The following WBP11 variants were observed in gnomAD, a reference collection of about 807,000 sequenced individuals.
WBP11 encodes WW domain binding protein 11, also known as WW domain-binding protein 11.
WBP11 carries 12 observed loss-of-function variants against 66.7 expected under a neutral mutation model. The ratio of observed to expected loss-of-function variants is 0.18; its 90% CI spans 0.12 to 0.29. The LOEUF (loss-of-function observed/expected upper bound fraction) is 0.29. Among genes scored for constraint, WBP11 ranks in the 10% least tolerant of loss-of-function variants. The pLI, the probability that WBP11 is intolerant of heterozygous loss-of-function variation, is 1.00. For synonymous variants in WBP11, 255 were observed against 273.8 expected (o/e 0.93, Z 0.68); for missense variants, 555 against 818.3 (o/e 0.68, Z 3.93).
rs773122548 is a variant in WBP11, at chr12:14,785,612, CAAACA to C, written c.*1448_*1452del. On this transcript the variant is annotated 3_prime_UTR_variant, in exon 12 of 12. Transcript: ENST00000261167. Reference sequence around the variant, plus strand: ...TCAGTATCTTCCAAGCAAAGCCAAACAAACAAAAGATCTTGAATAAAAATCTAAAA... The same window carrying C: ...TCAGTATCTTCCAAGCAAAGCCAAACAAAGATCTTGAATAAAAATCTAAAA... The C allele has an allele frequency of 2.0e-5, 3 of 152,114 alleles. No homozygotes were observed. Among genetic ancestry groups the C allele is most frequent in the South Asian group, 2.1e-4 (1 of 4,826 alleles). 9.4% of individuals were successfully genotyped at this position (152,114 alleles called of 1,614,324 possible).
chr12:14,801,681 A>T (rs1949965544), intron 1 of WBP11, among the ~76,000 whole-genome samples: 1 of 152,216 alleles, frequency 6.6e-6, no homozygotes, highest in African/African-American at 2.4e-5. Context: ...TCATCAGTTT[A>T]GCTTTTTTCT....
In WBP11 at chr12:14,799,620, T is replaced by G. The variant is rs1210775120; in HGVS notation, c.190+15A>C. 6.2e-7 allele frequency: 1 copy of G among 1,611,198 alleles called. No individual in the cohort carries two copies. Among genetic ancestry groups the G allele is most frequent in the Non-Finnish European group, 8.5e-7 (1 of 1,178,642 alleles). On this transcript the variant is annotated intron_variant, in intron 4 of 11. Coordinates refer to ENST00000261167, the MANE Select transcript of WBP11 (RefSeq NM_016312.3). ...CGTGTCAGACTGTTATAGCTGCCTGTTTGTAAATTCTTACCCATTTCATCC... is the reference window on the plus strand; with the variant it reads ...CGTGTCAGACTGTTATAGCTGCCTGGTTGTAAATTCTTACCCATTTCATCC...
chr12:14,787,599 G>T (rs1949768496), intron 11 of WBP11, 101 bp from the exon 12 acceptor site: 2 of 1,068,590 alleles, frequency 1.9e-6, no homozygotes, highest in Non-Finnish European at 2.5e-6. Flanking sequence ...TAAATAAATG[G>T]ATAACAACTT....
At position 14,795,051 on chromosome 12, in the gene WBP11, A is replaced by G; in HGVS notation, c.441T>C (p.Ala147=). The part of the protein sequence containing the change: ...ESIPLPDMPH[A]PSNILIQDIP... ...TGTCCTGGATCAAAATGTTGGAAGG[A>G]GCATGTGGCATATCTGGCAAAGGAA... The change falls in exon 6 of 12, where the codon GCT becomes GCC. Residue 147 remains alanine (A), a synonymous_variant. Transcript: ENST00000261167. The G allele has an allele frequency of 1.2e-6, 2 of 1,613,114 alleles. No homozygotes were observed. Among genetic ancestry groups the G allele is most frequent in the Non-Finnish European group, 1.7e-6 (2 of 1,179,942 alleles).
chr12:14,789,795 T>C (rs1264508267), intron 10 of WBP11, among the ~76,000 whole-genome samples: 2 of 152,168 alleles, frequency 1.3e-5, no homozygotes, highest in East Asian at 1.9e-4. Context: ...TTGAAACTCA[T>C]GAATATATAG....
At chr12:14,792,651 G>A (rs7314317) in intron 8 of WBP11, among the ~76,000 whole-genome samples, 6 of 151,806 alleles carry the variant, frequency 4.0e-5, no homozygotes, top group South Asian at 4.1e-4. Context: ...TGGCCAACAC[G>A]GTGAAACCCT....
chr12:14,791,372 T>C (rs1949819959), intron 8 of WBP11, 102 bp from the exon 9 acceptor site: 1 of 860,968 alleles, frequency 1.2e-6, no homozygotes, highest in African/African-American at 1.7e-5. Context: ...TGCTACCCAC[T>C]ACTTGGCAGA....
At position 14,790,839 on chromosome 12, in the gene WBP11, A is replaced by G; in HGVS notation, c.1016-90T>C. Reference sequence around the variant, plus strand: ...ATGACTGAATACACATGGTTAATAAATGTGTTCTCAAAATTAAAAACCAAA... The same window carrying G: ...ATGACTGAATACACATGGTTAATAAGTGTGTTCTCAAAATTAAAAACCAAA... On this transcript the variant is annotated intron_variant, in intron 9 of 11. Coordinates refer to ENST00000261167, the MANE Select transcript of WBP11 (RefSeq NM_016312.3). 3 of 1,281,724 alleles carry G rather than the reference A, an allele frequency of 2.3e-6. No individual in the cohort carries two copies. In the South Asian group the frequency reaches 4.3e-5, roughly 18 times the overall value. The allele number at this position is 1,281,724 out of a possible 1,614,324, so 79.4% of individuals were successfully genotyped here.
At chr12:14,790,230 C>T (rs978119328) in intron 10 of WBP11, among the ~76,000 whole-genome samples, 1 of 152,186 alleles carries the variant, frequency 6.6e-6, no homozygotes, top group Admixed American at 6.5e-5. Context: ...ACTGTGAAAA[C>T]AAGAGTGCTC....
intron 8 of WBP11, among the ~76,000 whole-genome samples, chr12:14,792,274 T>TA (rs34100749): frequency 0.16 from 24,978 of 151,956 alleles, 2,299 homozygotes; most frequent in African/African-American, 0.24. Flanking sequence ...TATTTATGAT[T>TA]AAAAAAAACC....
chr12:14,792,088 A>C (rs1391093556), intron 8 of WBP11, among the ~76,000 whole-genome samples: 1 of 152,136 alleles, frequency 6.6e-6, no homozygotes, highest in Non-Finnish European at 1.5e-5. Context: ...CCATTAAAGA[A>C]CTCATCCATG....
chr12:14,790,536 G>A lies in WBP11; in HGVS notation c.1229C>T (p.Pro410Leu), dbSNP rs1949809244. ...SQIQAPPMPG[P>L]PPLGPPPAPP... ...AGCAGGTGGTGGTCCAAGAGGTGGT[G>A]GTCCTGGCATGGGAGGTGCTTGTAT... The change falls in exon 10 of 12, where the codon CCA (proline) becomes CTA (leucine). Residue 410 changes from proline (P) to leucine (L), a missense_variant. By Grantham distance (98) the Pro-to-Leu change is moderately conservative. Coordinates refer to ENST00000261167, the MANE Select transcript of WBP11 (RefSeq NM_016312.3). The A allele has an allele frequency of 6.8e-6, 11 of 1,614,026 alleles. No individual in the cohort carries two copies. Among genetic ancestry groups the A allele is most frequent in the Non-Finnish European group, 8.5e-6 (10 of 1,179,878 alleles).
Position 14,796,870 on chromosome 12 carries a change from T to C in WBP11, c.324A>G (p.Arg108=), listed in dbSNP as rs142747384. 339 of 1,612,598 alleles carry C rather than the reference T, an allele frequency of 2.1e-4. 1 individual carries two copies. The highest frequency in any genetic ancestry group is 5.2e-5 in the Non-Finnish European group (61 of 1,179,562). The change falls in exon 5 of 12, where the codon AGA becomes AGG. Residue 108 remains arginine, a synonymous_variant. Coordinates refer to ENST00000261167, the MANE Select transcript of WBP11 (RefSeq NM_016312.3). The surrounding 1 kb of genome is among the most constrained non-coding windows in gnomAD (Gnocchi z 4.5). ...TCTGTTCATATTCTACTTCTAGCTT[T>C]CTCAATTCTTTGTAAATATCTGGAT... is the stretch of plus-strand genomic sequence containing the variant. ...KENPDIYKEL[R]KLEVEYEQKR... is the part of the protein sequence containing the mutation.
At position 14,786,044 on chromosome 12, in the gene WBP11, TATTC is replaced by T. The variant is rs770649393; in HGVS notation, c.*1017_*1020del. ...AATGCAAATTAATGTTAAGCACTCT[TATTC>T]ATTCATATTTTAATATAAAAGCACA... On this transcript the variant is annotated 3_prime_UTR_variant, in exon 12 of 12. Transcript: ENST00000261167. The T allele has an allele frequency of 5.9e-5, 9 of 152,330 alleles. No homozygotes were observed. The highest frequency in any genetic ancestry group is 2.0e-4 in the Admixed American group (3 of 15,302). 9.4% of individuals were successfully genotyped at this position (152,330 alleles called of 1,614,324 possible).
Position 14,790,513 on chromosome 12 carries a change from C to G in WBP11, c.1252G>C (p.Ala418Pro). 1 of 1,613,994 alleles carries G rather than the reference C, an allele frequency of 6.2e-7. No homozygotes were observed. The highest frequency in any genetic ancestry group is 8.5e-7 in the Non-Finnish European group (1 of 1,179,858). The change falls in exon 10 of 12, where the codon GCT becomes CCT. Residue 418 changes from alanine to proline, a missense_variant. Transcript: ENST00000261167. ...GGCCCAGGAGGCCGTAATGGTGGAG[C>G]AGGTGGTGGTCCAAGAGGTGGTGGT... ...PGPPPLGPPP[A>P]PPLRPPGPPT...
chr12:14,791,629 C>G (rs1191502656), intron 8 of WBP11, among the ~76,000 whole-genome samples: 2 of 152,184 alleles, frequency 1.3e-5, no homozygotes, highest in African/African-American at 4.8e-5. Context: ...ACTCATGAAA[C>G]TAGCCTAACC....
intron 4 of WBP11, chr12:14,799,314 A>G (rs994075998): frequency 2.8e-5 from 5 of 175,582 alleles, no homozygotes; most frequent in Non-Finnish European, 6.0e-5. Flanking sequence ...AAAAGACGAC[A>G]AACAAAAAAC....
At chr12:14,799,928 T>G (rs921176636) in intron 3 of WBP11, among the ~76,000 whole-genome samples, 200 bp from the exon 4 acceptor site, 1 of 152,220 alleles carries the variant, frequency 6.6e-6, no homozygotes, top group Non-Finnish European at 1.5e-5. Flanking sequence ...AAGATGTGCT[T>G]TCTTAGTAAA....
At position 14,785,251 on chromosome 12, in the gene WBP11, C is replaced by G. The variant is rs1244060543; in HGVS notation, c.*1814G>C. The G allele has an allele frequency of 6.6e-6, 1 of 152,134 alleles. No individual in the cohort carries two copies. The highest frequency in any genetic ancestry group is 2.4e-5 in the African/African-American group (1 of 41,412). The allele number at this position is 152,134 out of a possible 1,614,324, so 9.4% of individuals were successfully genotyped here. The stretch of plus-strand genomic sequence containing the variant: ...CATCACTGCACTGCAGCCTGGGCAA[C>G]AGAGTTAGAACCTGTCTCCATGGAA... On this transcript the variant is annotated 3_prime_UTR_variant, in exon 12 of 12. Transcript: ENST00000261167.
Sources: allele counts gnomAD v4.1 joint callset (sites outside exome capture counted in the v4.1 genomes callset), GRCh38; gene constraint gnomAD v4.1.1; non-coding constraint Gnocchi (gnomAD v3.1); transcripts MANE v1.5; gene names NCBI Gene and HGNC (gene_info 2026-07-23, HGNC 2026-07-21).